Variants in CSDE1 observed in about 807,000 individuals in gnomAD.
The protein encoded by CSDE1 is cold shock domain containing E1, also known as cold shock domain-containing protein E1.
CSDE1 carries 17 observed loss-of-function variants against 89.3 expected under a neutral mutation model. The ratio of observed to expected loss-of-function variants is 0.19; its 90% CI spans 0.13 to 0.29. The LOEUF is 0.29. CSDE1 is among the 10% of genes least tolerant of loss of function. The pLI is 1.00. For synonymous variants in CSDE1, 322 were observed against 332.8 expected, an observed-to-expected ratio of 0.97 and a Z score of 0.35; for missense variants, 672 against 984.2, an observed-to-expected ratio of 0.68 and a Z score of 4.24.
chr1:114,738,651 C>T (rs1570932108), intron 3 of CSDE1, among the ~76,000 whole-genome samples: 1 of 137,562 alleles, frequency 7.3e-6, no homozygotes, highest in Admixed American at 7.4e-5. Context: ...AAACACTTCA[C>T]ATGTAAAAAC....
intron 12 of CSDE1, 147 bp downstream of exon 12, chr1:114,730,111 C>T: frequency 1.1e-6 from 1 of 873,116 alleles, no homozygotes; most frequent in Non-Finnish European, 1.7e-6. Context: ...GGTTAAGAAA[C>T]CTTACTTTGT....
At chr1:114,724,089 T>G (rs1207353967) in intron 15 of CSDE1, 87 bp from the exon 16 acceptor site, 11 of 1,452,968 alleles carry the variant, frequency 7.6e-6, no homozygotes, top group Non-Finnish European at 9.4e-6. Context: ...ACAGCACAAA[T>G]GTTAACAGGG....
Position 114,723,959 on chromosome 1 carries a change from G to C in CSDE1, c.1797C>G (p.Gly599=), listed in dbSNP as rs1281317395. Reference sequence around the variant, plus strand: ...CACTCCTCAGGGGGCGAATTACTTTGCCAGAGTAAATGGTGGGATCAGCTT... The same window carrying C: ...CACTCCTCAGGGGGCGAATTACTTTCCCAGAGTAAATGGTGGGATCAGCTT... ...TEEADPTIYS[G]KVIRPLRSVD... Residue 599 remains glycine, a synonymous_variant, in exon 16 of 20, where the codon GGC becomes GGG. Transcript: ENST00000358528. 1 of 1,614,012 alleles carries C rather than the reference G, an allele frequency of 6.2e-7. No homozygotes were observed. The highest frequency in any genetic ancestry group is 8.5e-7 in the Non-Finnish European group (1 of 1,179,924).
At chr1:114,737,389 G>A (rs566945766) in intron 5 of CSDE1, 82 bp downstream of exon 5, 19 of 1,135,744 alleles carry the variant, frequency 1.7e-5, no homozygotes, top group Non-Finnish European at 2.1e-5. Flanking sequence ...TGCAGCTTAC[G>A]TTTTCTATTT....
Position 114,732,666 on chromosome 1 carries a change from G to A in CSDE1, c.988C>T (p.Arg330Ter), listed in dbSNP as rs746569183. The change falls in exon 10 of 20, where the codon CGA becomes TGA. Residue 330 changes from arginine to a stop codon, truncating the protein, a stop_gained. Transcript: ENST00000358528. LOFTEE classifies it high-confidence loss of function. The part of the protein sequence containing the change: ...ISTDRRDKLE[R>*]ATNIEVLSNT... ...GACAGAACTTCTATATTGGTTGCTC[G>A]CTCTAATTTGTCACGTCGGTCTGTT... 6.2e-7 allele frequency: 1 copy of A among 1,614,122 alleles called. No individual in the cohort carries two copies. Among genetic ancestry groups the A allele is most frequent in the South Asian group, 1.1e-5 (1 of 91,080 alleles).
intron 14 of CSDE1, 76 bp from the exon 15 acceptor site, chr1:114,725,409 G>C (rs1157470992): frequency 8.9e-7 from 1 of 1,118,194 alleles, no homozygotes; most frequent in Non-Finnish European, 1.4e-6. Flanking sequence ...TTATTTTACA[G>C]TAACAGTCAT....
chr1:114,751,279 G>T (rs1661293786), intron 1 of CSDE1, among the ~76,000 whole-genome samples: 1 of 152,166 alleles, frequency 6.6e-6, no homozygotes, highest in Admixed American at 6.5e-5. Flanking sequence ...CAACAATTTT[G>T]CACTGACTCC....
chr1:114,719,759 G>C lies in CSDE1; in HGVS notation c.2053-17C>G, dbSNP rs142574994. 4.7e-4 allele frequency: 760 copies of C among 1,605,032 alleles called. 2 individuals carry two copies. The African/African-American group carries it at 8.9e-3, about 19-fold the overall frequency. On this transcript the variant is annotated splice_polypyrimidine_tract_variant and intron_variant, in intron 17 of 19. Transcript: ENST00000358528. The stretch of plus-strand genomic sequence containing the variant: ...GAAGCCAAACTGAAAAAAAAAAGTA[G>C]GTAAAAAAGAGAGGGCATGCCACAC...
At chr1:114,741,705 T>C in intron 2 of CSDE1, 1 of 1,445,708 alleles carries the variant, frequency 6.9e-7, no homozygotes, top group Non-Finnish European at 9.2e-7. Flanking sequence ...TTGATAACTA[T>C]GATCAATAAC....
chr1:114,739,048 T>C (rs1660573071), intron 3 of CSDE1, among the ~76,000 whole-genome samples: 1 of 151,954 alleles, frequency 6.6e-6, no homozygotes, highest in Admixed American at 6.6e-5. Flanking sequence ...TTTTTTTTTT[T>C]TGAGACGGGG....
At position 114,720,782 on chromosome 1, in the gene CSDE1, G is replaced by A. The variant is rs1659473786; in HGVS notation, c.1874-65C>T. ...AACAGTCCTCTGCTGATGACCCTAG[G>A]AAGTTTATATAACTGCTAAAAATGT... is the stretch of plus-strand genomic sequence containing the variant. On this transcript the variant is annotated intron_variant, in intron 16 of 19. Coordinates refer to ENST00000358528, the MANE Select transcript of CSDE1 (RefSeq NM_001007553.3). 2.8e-6 allele frequency: 4 copies of A among 1,431,534 alleles called. No homozygotes were observed. In the African/African-American group the frequency reaches 4.3e-5, roughly 15 times the overall value. 88.7% of individuals were successfully genotyped at this position (1,431,534 alleles called of 1,614,324 possible).
chr1:114,737,208 A>G (rs1053758426), intron 5 of CSDE1, among the ~76,000 whole-genome samples: 1 of 151,926 alleles, frequency 6.6e-6, no homozygotes, highest in African/African-American at 2.4e-5. Flanking sequence ...TCCCCCCCAC[A>G]ACCCCCAAAA....
At chr1:114,748,833 G>A (rs1418972194) in intron 2 of CSDE1, among the ~76,000 whole-genome samples, 1 of 152,064 alleles carries the variant, frequency 6.6e-6, no homozygotes, top group Admixed American at 6.5e-5. Context: ...TCTTTTAAAG[G>A]TACACTTCTG....
At chr1:114,737,308 C>G (rs971332562) in intron 5 of CSDE1, among the ~76,000 whole-genome samples, 163 bp downstream of exon 5, 1 of 152,032 alleles carries the variant, frequency 6.6e-6, no homozygotes, top group Non-Finnish European at 1.5e-5. Flanking sequence ...TGGAATTTTT[C>G]TTTTTAAATT....
intron 16 of CSDE1, among the ~76,000 whole-genome samples, chr1:114,721,905 C>T (rs1181048004): frequency 1.0e-3 from 135 of 135,582 alleles, no homozygotes; most frequent in African/African-American, 3.7e-3. Context: ...TTTTTTGAGA[C>T]GGAGTCATGC....
intron 2 of CSDE1, among the ~76,000 whole-genome samples, chr1:114,741,272 A>G (rs557140673): frequency 6.6e-6 from 1 of 152,318 alleles, no homozygotes; most frequent in South Asian, 2.1e-4. Flanking sequence ...AATCAGACTC[A>G]GTAGGTATGG....
rs138444309 is a variant in CSDE1, at chr1:114,744,796, G to A, written c.1-4906C>T. 6.8e-4 allele frequency among the ~76,000 whole-genome samples: 103 copies of A among 152,110 alleles called. 1 individual carries two copies. The highest frequency in any genetic ancestry group is 2.4e-3 in the African/African-American group (101 of 41,500). On this transcript the variant is annotated intron_variant, in intron 2 of 19. Coordinates refer to ENST00000358528, the MANE Select transcript of CSDE1 (RefSeq NM_001007553.3). ...AGTGTAAATACACCAGAGTAGATAGGGCAAATCAGTACAATTAAATTACCA... is the reference window on the plus strand; with the variant it reads ...AGTGTAAATACACCAGAGTAGATAGAGCAAATCAGTACAATTAAATTACCA...
At chr1:114,724,540 G>C (rs1163912834) in intron 15 of CSDE1, among the ~76,000 whole-genome samples, 1 of 152,148 alleles carries the variant, frequency 6.6e-6, no homozygotes, top group Non-Finnish European at 1.5e-5. Context: ...ACACACTTAA[G>C]AGTTCAGATG....
At position 114,718,022 on chromosome 1, in the gene CSDE1, C is replaced by T. The variant is rs6851; in HGVS notation, c.*147G>A. 41,281 of 710,560 alleles carry T rather than the reference C, an allele frequency of 0.058. 1,413 individuals are homozygous for T. The highest frequency in any genetic ancestry group is 0.091 in the Middle Eastern group (257 of 2,826). 44.0% of individuals were successfully genotyped at this position (710,560 alleles called of 1,614,324 possible). On this transcript the variant is annotated 3_prime_UTR_variant, in exon 20 of 20. Transcript: ENST00000358528. ...TTTATTTATTTTTTTAAACATAACA[C>T]GAGGAAGGTGTTAAAACTGGTGTAA...
Sources: gnomAD v4.1 joint callset for allele counts (sites outside exome capture counted in the v4.1 genomes callset) on GRCh38, gnomAD v4.1.1 for gene constraint, MANE v1.5 for transcripts, NCBI Gene and HGNC (gene_info 2026-07-23, HGNC 2026-07-21) for gene names.